The following SCML1 variants were observed in gnomAD, a reference collection of about 807,000 sequenced individuals.
SCML1 encodes the protein sex comb on midleg-like protein 1.
For synonymous variants in SCML1, 104 were observed against 103.6 expected (o/e 1.00, Z -0.02); for missense variants, 137 against 258.1 (o/e 0.53, Z 3.22).
chrX:17,743,865 AT>A (rs745929208), intron 1 of SCML1: 51 of 201,933 alleles, frequency 2.5e-4, no homozygotes, highest in African/African-American at 1.2e-3. Context: ...ATTGTGTTTG[AT>A]TTGATTCTTA....
chrX:17,739,848 CAA>C (rs747850155), intron 1 of SCML1, among the ~76,000 whole-genome samples: 2 of 32,869 alleles, frequency 6.1e-5, no homozygotes, highest in African/African-American at 1.1e-4. Context: ...GACTCTGTCT[CAA>C]AAAAAAAAAA....
At chrX:17,740,668 G>A (rs1045638653) in intron 1 of SCML1, among the ~76,000 whole-genome samples, 1 of 112,167 alleles carries the variant, frequency 8.9e-6, no homozygotes, top group African/African-American at 3.2e-5. Context: ...TGCCGTAGAA[G>A]TATTAAAGTG....
At chrX:17,750,368 A>G (rs2066697249) in intron 6 of SCML1, 75 bp downstream of exon 6, 1 of 989,230 alleles carries the variant, frequency 1.0e-6, no homozygotes, top group African/African-American at 1.9e-5. Flanking sequence ...GATGGAGAAT[A>G]GGTATACTGG....
At chrX:17,748,393 C>T (rs1020769145) in intron 4 of SCML1, among the ~76,000 whole-genome samples, 4 of 111,118 alleles carry the variant, frequency 3.6e-5, no homozygotes, top group Non-Finnish European at 7.5e-5. Flanking sequence ...TTGGTAGAGA[C>T]GGGGGTTTCG....
rs775285305 is a variant in SCML1, at chrX:17,749,970, T to G, written c.380T>G (p.Val127Gly). ...LKLQKMKKNE[V>G]YETFSYPESY... ...CTCCAGAAAATGAAGAAAAATGAGG[T>G]TTACGAGACATTCTCCTACCCTGAA... The change falls in exon 6 of 8, where the codon GTT (valine) becomes GGT (glycine). Residue 127 changes from valine to glycine, a missense_variant. Coordinates refer to ENST00000380041, the MANE Select transcript of SCML1 (RefSeq NM_001037540.3). 1 of 1,208,287 alleles carries G rather than the reference T, an allele frequency of 8.3e-7. No individual in the cohort carries two copies. Among genetic ancestry groups the G allele is most frequent in the African/African-American group, 1.8e-5 (1 of 57,044 alleles).
rs773412098 is a variant in SCML1, at chrX:17,753,320, G to A, written c.918G>A (p.Val306=). 1 of 1,184,267 alleles carries A rather than the reference G, an allele frequency of 8.4e-7. No individual in the cohort carries two copies. The highest frequency in any genetic ancestry group is 1.9e-5 in the South Asian group (1 of 52,529). The change falls in exon 8 of 8, where the codon GTG becomes GTA. Residue 306 remains valine, a synonymous_variant. Transcript: ENST00000380041. ...TSDVLLKHLG[V]KLGTAVKLCY... Reference sequence around the variant, plus strand: ...ACGTGTTGCTGAAGCACTTGGGGGTGAAGCTGGGAACGGCTGTGAAGCTAT... The same window carrying A: ...ACGTGTTGCTGAAGCACTTGGGGGTAAAGCTGGGAACGGCTGTGAAGCTAT...
chrX:17,745,284 G>T (rs2066632922), intron 2 of SCML1, 172 bp from the exon 3 acceptor site: 1 of 409,318 alleles, frequency 2.4e-6, no homozygotes, highest in Admixed American at 4.9e-5. Context: ...TGAGAACACA[G>T]TTCTGCAAAT....
At chrX:17,744,663 C>G (rs185337003) in intron 2 of SCML1, 1 of 113,130 alleles carries the variant, frequency 8.8e-6, no homozygotes, top group East Asian at 2.8e-4. Flanking sequence ...CCTAAGTAGT[C>G]TAGGCAATTC....
Position 17,754,139 on chromosome X carries a change from G to A in SCML1, c.*747G>A. 1 of 111,412 alleles carries A rather than the reference G, an allele frequency of 9.0e-6. No homozygotes were observed. Among genetic ancestry groups the A allele is most frequent in the Middle Eastern group, 4.7e-3 (1 of 215 alleles). The allele number at this position is 111,412 out of a possible 1,213,427, so 9.2% of individuals were successfully genotyped here. On this transcript the variant is annotated 3_prime_UTR_variant, in exon 8 of 8. Transcript: ENST00000380041. ...AAACTGTCATATTTTGGCTAAGTTT[G>A]GACCTATAACTACACTTTCATTGTT...
chrX:17,745,131 CAT>C (rs2066631854), intron 2 of SCML1: 1 of 147,940 alleles, frequency 6.8e-6, no homozygotes, highest in Non-Finnish European at 1.3e-5. Flanking sequence ...AATCAAAAAA[CAT>C]GTAACATTTA....
At chrX:17,741,277 A>G (rs1004490355) in intron 1 of SCML1, among the ~76,000 whole-genome samples, 8 of 111,775 alleles carry the variant, frequency 7.2e-5, no homozygotes, top group African/African-American at 2.3e-4. Context: ...GTGCGAATCT[A>G]ATACTGCAGC....
intron 7 of SCML1, 105 bp from the exon 8 acceptor site, chrX:17,753,153 A>T: frequency 1.7e-6 from 1 of 584,620 alleles, no homozygotes; most frequent in Non-Finnish European, 2.5e-6. Flanking sequence ...TACATCTGCA[A>T]TGAGCTGCTC....
In SCML1 at chrX:17,752,071, C is replaced by G. The variant is rs115585503; in HGVS notation, c.855+105C>G. On this transcript the variant is annotated intron_variant, in intron 7 of 7. Coordinates refer to ENST00000380041, the MANE Select transcript of SCML1 (RefSeq NM_001037540.3). ...GTGAATGGTGGGAGAACCCTATTAG[C>G]TGATTTTTCCATATATGAGAAAGCT... The G allele has an allele frequency of 1.5e-3, 1,289 of 850,601 alleles. 12 individuals are homozygous for G. In the African/African-American group the frequency reaches 0.024, roughly 16 times the overall value. The allele number at this position is 850,601 out of a possible 1,213,427, so 70.1% of individuals were successfully genotyped here.
At chrX:17,750,922 G>A (rs3788770) in intron 6 of SCML1, among the ~76,000 whole-genome samples, 2 of 112,442 alleles carry the variant, frequency 1.8e-5, no homozygotes, top group Admixed American at 1.9e-4. Context: ...ATTTTAGGGA[G>A]TCTAACACTG....
intron 4 of SCML1, among the ~76,000 whole-genome samples, chrX:17,749,187 G>T (rs2066677772): frequency 8.9e-6 from 1 of 111,996 alleles, no homozygotes. Flanking sequence ...GAGTAGAGCA[G>T]GGGAGGGGAC....
At chrX:17,738,211 G>T (rs1388706870) in intron 1 of SCML1, among the ~76,000 whole-genome samples, 1 of 111,762 alleles carries the variant, frequency 8.9e-6, no homozygotes, top group Non-Finnish European at 1.9e-5. Flanking sequence ...AGCAGAGGCG[G>T]GAGGCGGGAG....
Position 17,750,045 on chromosome X carries a change from G to A in SCML1, c.455G>A (p.Ser152Asn). The change falls in exon 6 of 8, where the codon AGC becomes AAC. Residue 152 changes from serine (S) to asparagine (N), a missense_variant. By Grantham distance (46) the Ser-to-Asn change is conservative. Coordinates refer to ENST00000380041, the MANE Select transcript of SCML1 (RefSeq NM_001037540.3). The part of the protein sequence containing the change: ...PVSRRENNSP[S>N]NLPRPSFCME... Reference sequence around the variant, plus strand: ...TCAAGGCGTGAGAATAATTCCCCGAGCAACCTTCCAAGGCCATCCTTTTGC... The same window carrying A: ...TCAAGGCGTGAGAATAATTCCCCGAACAACCTTCCAAGGCCATCCTTTTGC... The A allele has an allele frequency of 8.3e-7, 1 of 1,211,936 alleles. No individual in the cohort carries two copies. Among genetic ancestry groups the A allele is most frequent in the Non-Finnish European group, 1.1e-6 (1 of 895,537 alleles).
intron 7 of SCML1, 111 bp downstream of exon 7, chrX:17,752,077 T>C: frequency 1.2e-6 from 1 of 831,399 alleles, no homozygotes; most frequent in Non-Finnish European, 1.7e-6. Flanking sequence ...TTAGCTGATT[T>C]TTCCATATAT....
intron 2 of SCML1, chrX:17,745,237 T>G: frequency 3.0e-6 from 1 of 328,376 alleles, no homozygotes; most frequent in Non-Finnish European, 5.3e-6. Flanking sequence ...AGGGTTAAGC[T>G]CAGTGAAAAC....
Sources: gnomAD v4.1 joint callset for allele counts (sites outside exome capture counted in the v4.1 genomes callset) on GRCh38, gnomAD v4.1.1 for gene constraint, MANE v1.5 for transcripts, NCBI Gene and HGNC (gene_info 2026-07-23, HGNC 2026-07-21) for gene names.